Variants in MALRD1 observed in about 807,000 individuals in gnomAD.
MALRD1 encodes the protein MAM and LDL receptor class A domain containing 1.
A neutral mutation model predicts 242.1 loss-of-function variants in MALRD1; 247 were observed. The observed-to-expected ratio is 1.02, with a 90% CI of 0.92 to 1.13. The LOEUF (loss-of-function observed/expected upper bound fraction) is 1.13. Ranked by LOEUF, MALRD1 falls within the 50% of genes most tolerant of loss-of-function variation. MALRD1 has a pLI of 0.00. For synonymous variants in MALRD1, 995 were observed against 866.6 expected (o/e 1.15, Z -2.60); for missense variants, 2,989 against 2,533.1 (o/e 1.18, Z -3.86).
chr10:19,530,430 A>AATT lies in MALRD1; in HGVS notation c.5321-764_5321-763insATT, dbSNP rs1564417507. 2.6e-3 allele frequency among the ~76,000 whole-genome samples: 54 copies of AATT among 20,534 alleles called. 7 individuals carry two copies. The highest frequency in any genetic ancestry group is 0.014 in the Non-Finnish European group (51 of 3,726). 13.5% of individuals were successfully genotyped at this position (20,534 alleles called of 152,430 possible). A position where few individuals can be genotyped will look rare whatever the true frequency, so the allele number is the denominator to read the frequency against. ...ATATTTATATAATAATAAATATATAATATATATAATATATAATATATAATA... is the reference window on the plus strand; with the variant it reads ...ATATTTATATAATAATAAATATATAAATTTATATATAATATATAATATATAATA... On this transcript the variant is annotated intron_variant, in intron 31 of 39. Coordinates refer to ENST00000454679, the MANE Select transcript of MALRD1 (RefSeq NM_001142308.3).
intron 36 of MALRD1, among the ~76,000 whole-genome samples, chr10:19,626,930 A>G (rs1456316969): frequency 1.3e-5 from 2 of 152,174 alleles, no homozygotes; most frequent in Non-Finnish European, 2.9e-5. Context: ...ATGAAATGGT[A>G]TTTACAATAC....
chr10:19,676,851 G>A (rs936065902), intron 36 of MALRD1, among the ~76,000 whole-genome samples: 1 of 152,034 alleles, frequency 6.6e-6, no homozygotes, highest in East Asian at 1.9e-4. Context: ...AGTGTGTGTT[G>A]TTCCCCTCCC....
At chr10:19,620,379 T>C (rs1002671501) in intron 36 of MALRD1, among the ~76,000 whole-genome samples, 1 of 152,050 alleles carries the variant, frequency 6.6e-6, no homozygotes, top group South Asian at 2.1e-4. Context: ...CCAAGTATAT[T>C]TGATGTTTAG....
intron 29 of MALRD1, chr10:19,489,024 A>G (rs1019097678): frequency 2.2e-6 from 1 of 456,428 alleles, no homozygotes; most frequent in Non-Finnish European, 4.4e-6. Flanking sequence ...ATCCCCCGCC[A>G]GGGGTCTCAG....
chr10:19,142,981 A>T (rs1291989026), intron 10 of MALRD1, among the ~76,000 whole-genome samples: 1 of 152,238 alleles, frequency 6.6e-6, no homozygotes, highest in Non-Finnish European at 1.5e-5. Context: ...ACAGGAACAC[A>T]TTAGTAAAAA....
intron 8 of MALRD1, among the ~76,000 whole-genome samples, chr10:19,132,596 T>C (rs1048881857): frequency 1.2e-4 from 18 of 152,188 alleles, no homozygotes; most frequent in Admixed American, 7.9e-4. Context: ...GACACAAATA[T>C]TGATATCAAG....
intron 21 of MALRD1, among the ~76,000 whole-genome samples, chr10:19,300,522 T>C (rs965593203): frequency 1.3e-5 from 2 of 151,764 alleles, no homozygotes; most frequent in African/African-American, 4.8e-5. Flanking sequence ...CATAGACCAA[T>C]AGAAGAGGTT....
intron 36 of MALRD1, among the ~76,000 whole-genome samples, chr10:19,643,493 T>G: frequency 6.6e-6 from 1 of 151,770 alleles, no homozygotes. Context: ...GTTTATTATT[T>G]ATTCAATTAA....
At chr10:19,118,690 C>A (rs916723288) in intron 5 of MALRD1, among the ~76,000 whole-genome samples, 2 of 152,178 alleles carry the variant, frequency 1.3e-5, no homozygotes, top group African/African-American at 2.4e-5. Flanking sequence ...TGAGGCATGT[C>A]TGGCTTCACT....
intron 29 of MALRD1, among the ~76,000 whole-genome samples, chr10:19,461,844 C>A (rs1835961786): frequency 6.6e-6 from 1 of 152,116 alleles, no homozygotes; most frequent in Non-Finnish European, 1.5e-5. Context: ...TGTGTTTCAG[C>A]TCATCTATTT....
At chr10:19,459,594 A>G (rs761909534) in intron 29 of MALRD1, among the ~76,000 whole-genome samples, 1 of 151,996 alleles carries the variant, frequency 6.6e-6, no homozygotes, top group African/African-American at 2.4e-5. Flanking sequence ...TATACTTTTA[A>G]TCAGTGATTT....
rs537133630 is a variant in MALRD1, at chr10:19,279,925, C to G, written c.3080-122C>G. 8.3e-5 allele frequency: 56 copies of G among 677,242 alleles called. No homozygotes were observed. In the African/African-American group the frequency reaches 8.9e-4, roughly 11 times the overall value. 42.0% of individuals were successfully genotyped at this position (677,242 alleles called of 1,614,324 possible). On this transcript the variant is annotated intron_variant, in intron 19 of 39. Transcript: ENST00000454679. Reference sequence around the variant, plus strand: ...TTTTATTTTAGCAGAGTAGCTGATACTACCCACTGTTCTCTATGATATTGT... The same window carrying G: ...TTTTATTTTAGCAGAGTAGCTGATAGTACCCACTGTTCTCTATGATATTGT...
chr10:19,607,024 C>T (rs1431771800), intron 34 of MALRD1, among the ~76,000 whole-genome samples: 1 of 152,106 alleles, frequency 6.6e-6, no homozygotes, highest in African/African-American at 2.4e-5. Flanking sequence ...CTTTGCAAGA[C>T]TAGGTAGCCA....
chr10:19,561,660 A>G (rs538523128), intron 32 of MALRD1, among the ~76,000 whole-genome samples: 27 of 152,134 alleles, frequency 1.8e-4, no homozygotes, highest in African/African-American at 6.3e-4. Context: ...ATTAGGTCTC[A>G]GTCTTTTAGC....
intron 29 of MALRD1, among the ~76,000 whole-genome samples, chr10:19,451,845 T>C (rs1835345130): frequency 1.3e-5 from 2 of 152,170 alleles, no homozygotes; most frequent in African/African-American, 4.8e-5. Context: ...AGCTACCTTA[T>C]GTTAAATAAA....
chr10:19,326,605 T>C (rs1032595237), intron 22 of MALRD1, among the ~76,000 whole-genome samples: 2 of 152,108 alleles, frequency 1.3e-5, no homozygotes, highest in African/African-American at 4.8e-5. Flanking sequence ...TTGATAATGT[T>C]CCAAATTAAT....
intron 2 of MALRD1, among the ~76,000 whole-genome samples, chr10:19,080,705 C>T (rs974230219): frequency 6.6e-6 from 1 of 151,778 alleles, no homozygotes; most frequent in Non-Finnish European, 1.5e-5. Flanking sequence ...GACATAGACA[C>T]AAGCAGAGAT....
At chr10:19,577,766 T>TATAA (rs1554804598) in intron 33 of MALRD1, among the ~76,000 whole-genome samples, 1 of 151,922 alleles carries the variant, frequency 6.6e-6, no homozygotes, top group East Asian at 1.9e-4. Flanking sequence ...TATATATATA[T>TATAA]AATAAAACAT....
chr10:19,081,658 A>T (rs918753816), intron 2 of MALRD1, among the ~76,000 whole-genome samples: 21 of 151,586 alleles, frequency 1.4e-4, no homozygotes, highest in African/African-American at 5.1e-4. Context: ...TACCTAATGG[A>T]TGCTGGGCTT....
Sources: allele counts gnomAD v4.1 joint callset (sites outside exome capture counted in the v4.1 genomes callset), GRCh38; gene constraint gnomAD v4.1.1; transcripts MANE v1.5; gene names NCBI Gene and HGNC (gene_info 2026-07-23, HGNC 2026-07-21).